The following RIMBP2 variants were observed in gnomAD, a reference collection of about 807,000 sequenced individuals.
The protein encoded by RIMBP2 is RIMS binding protein 2.
In RIMBP2, 48 loss-of-function variants were observed where a neutral mutation model predicts 118.6. That is an observed-to-expected ratio of 0.40 (90% CI 0.32 to 0.51). The LOEUF (loss-of-function observed/expected upper bound fraction) is 0.51, where lower values mean the gene tolerates loss of function less well. Ranked by LOEUF, RIMBP2 falls within the 20% of genes least tolerant of loss-of-function variation. RIMBP2 has a pLI of 0.41. For missense variants in RIMBP2, 1,551 were observed against 1,768.3 expected (o/e 0.88, Z 2.20); for synonymous variants, 762 against 742.9 (o/e 1.03, Z -0.42).
At chr12:130,534,122 C>A (rs1303958274) in intron 2 of RIMBP2, among the ~76,000 whole-genome samples, 1 of 147,544 alleles carries the variant, frequency 6.8e-6, no homozygotes, top group Non-Finnish European at 1.5e-5. Flanking sequence ...GCAGAGATCA[C>A]ACCCCTGCAC....
chr12:130,528,276 T>A (rs2053018294), intron 2 of RIMBP2, among the ~76,000 whole-genome samples: 1 of 152,144 alleles, frequency 6.6e-6, no homozygotes, highest in Admixed American at 6.6e-5. Flanking sequence ...TAAAAAGGAA[T>A]GAGATCATGT....
chr12:130,689,094 G>C (rs2065199728), intron 1 of RIMBP2, among the ~76,000 whole-genome samples: 3 of 152,144 alleles, frequency 2.0e-5, no homozygotes, highest in Non-Finnish European at 4.4e-5. Context: ...AAATCCTCGA[G>C]ACCAATTTTC....
In RIMBP2 at chr12:130,703,914, G is replaced by A. The variant is rs1463234743; in HGVS notation, c.-352+12308C>T. On this transcript the variant is annotated intron_variant, in intron 1 of 22. Coordinates refer to ENST00000690449, the MANE Select transcript of RIMBP2 (RefSeq NM_001393629.1). This position sits in a 1 kb window ranked among gnomAD's most constrained non-coding sequence, Gnocchi z 5.7. ...GTCTGGGGCCCGACCACCCTGGGAGGCAGTGCCCCAGCTGTGCTCACCGGT... is the reference window on the plus strand; with the variant it reads ...GTCTGGGGCCCGACCACCCTGGGAGACAGTGCCCCAGCTGTGCTCACCGGT... Among the ~76,000 whole-genome samples the A allele has an allele frequency of 3.5e-4, 54 of 152,132 alleles. No homozygotes were observed. The highest frequency in any genetic ancestry group is 3.5e-3 in the Admixed American group (54 of 15,276).
At position 130,486,136 on chromosome 12, in the gene RIMBP2, C is replaced by T. The variant is rs2082450641; in HGVS notation, c.-3-7120G>A. On this transcript the variant is annotated intron_variant, in intron 4 of 22. Transcript: ENST00000690449. ...CGCTCTTCCAGCCCTTCCAGTCAGC[C>T]TCCCTCCTGTCACTCGGCTGAGATT... is the stretch of plus-strand genomic sequence containing the variant. 5.3e-5 allele frequency among the ~76,000 whole-genome samples: 8 copies of T among 152,290 alleles called. No homozygotes were observed. The South Asian group carries it at 1.7e-3, about 32-fold the overall frequency.
Position 130,399,728 on chromosome 12 carries a change from G to T in RIMBP2, c.3851C>A (p.Ala1284Asp). 6.2e-7 allele frequency: 1 copy of T among 1,614,190 alleles called. No homozygotes were observed. Among genetic ancestry groups the T allele is most frequent in the Non-Finnish European group, 8.5e-7 (1 of 1,180,020 alleles). Residue 1284 changes from alanine (A) to aspartate (D), a missense_variant, in exon 22 of 23, where the codon GCT (alanine) becomes GAT (aspartate). By Grantham distance (126) the Ala-to-Asp change is moderately radical (BLOSUM62 -2). Coordinates refer to ENST00000690449, the MANE Select transcript of RIMBP2 (RefSeq NM_001393629.1). ...PDDVEVYLSDAPSHYSQDTPM... is the reference protein window; with the variant it reads ...PDDVEVYLSDDPSHYSQDTPM... ...CGTATCTTGAGAGTAGTGGGATGGA[G>T]CATCAGAAAGATAGACTTCTACGTC...
At chr12:130,515,011 G>A (rs1226070363) in intron 3 of RIMBP2, among the ~76,000 whole-genome samples, 2 of 152,064 alleles carry the variant, frequency 1.3e-5, no homozygotes, top group Non-Finnish European at 2.9e-5. Context: ...AGAGTAGCTG[G>A]GACTACAGGC....
At chr12:130,452,032 G>T (rs2079047615) in intron 7 of RIMBP2, among the ~76,000 whole-genome samples, 1 of 152,178 alleles carries the variant, frequency 6.6e-6, no homozygotes, top group African/African-American at 2.4e-5. Context: ...TGTCCTGGTT[G>T]CCTGGAAGGG....
chr12:130,571,541 T>G (rs1465103945), intron 2 of RIMBP2, among the ~76,000 whole-genome samples: 1 of 149,774 alleles, frequency 6.7e-6, no homozygotes. Flanking sequence ...TGCCTTAGCC[T>G]CCCGGGTAGC....
Position 130,577,988 on chromosome 12 carries a change from T to A in RIMBP2, c.-217+50334A>T, listed in dbSNP as rs1194358368. 2.0e-5 allele frequency among the ~76,000 whole-genome samples: 3 copies of A among 152,286 alleles called. No individual in the cohort carries two copies. The East Asian group carries it at 5.8e-4, about 29-fold the overall frequency. On this transcript the variant is annotated intron_variant, in intron 2 of 22. Coordinates refer to ENST00000690449, the MANE Select transcript of RIMBP2 (RefSeq NM_001393629.1). ...ACATCATCAAACACCCTGCCATACATCTTATATAGCTACGGTTTTTACTTG... is the reference window on the plus strand; with the variant it reads ...ACATCATCAAACACCCTGCCATACAACTTATATAGCTACGGTTTTTACTTG...
At chr12:130,429,535 A>G (rs1000779576) in intron 14 of RIMBP2, 3 of 152,232 alleles carry the variant, frequency 2.0e-5, no homozygotes, top group Non-Finnish European at 4.4e-5. Context: ...TGAATGTAAT[A>G]CATCCATAAA....
chr12:130,709,569 C>T (rs1949747394), intron 1 of RIMBP2, among the ~76,000 whole-genome samples: 1 of 152,238 alleles, frequency 6.6e-6, no homozygotes, highest in Admixed American at 6.5e-5. Flanking sequence ...TTGGGGCTCC[C>T]CTCTCAGGGA....
rs536734015 is a variant in RIMBP2 at position 130,412,770 on chromosome 12, G to A, written c.3438C>T (p.Asp1146=). The change falls in exon 19 of 23, where the codon GAC becomes GAT. Residue 1146 remains aspartate (D), a synonymous_variant. Transcript: ENST00000690449. The stretch of plus-strand genomic sequence containing the variant: ...TTTCCCCACGGTAGAATCCATCAGC[G>A]TCTTTATCACCATAAACCTAGAGCC... ...GQIIKVYGDK[D]ADGFYRGETC... 8.4e-5 allele frequency: 135 copies of A among 1,613,368 alleles called. 1 individual carries two copies. The Admixed American group carries it at 9.7e-4, about 12-fold the overall frequency.
At chr12:130,615,871 A>G (rs2060899044) in intron 2 of RIMBP2, among the ~76,000 whole-genome samples, 1 of 152,134 alleles carries the variant, frequency 6.6e-6, no homozygotes, top group South Asian at 2.1e-4. Flanking sequence ...AACGTCTGCC[A>G]TCACTCTTGG....
rs1291126681 is a variant in RIMBP2 at position 130,576,658 on chromosome 12, G to T, written c.-217+51664C>A. ...GAGAGATGAGGATGAAGCACGAGCTGGCAGGACAGGGAGGACGGCAGGGAG... is the reference window on the plus strand; with the variant it reads ...GAGAGATGAGGATGAAGCACGAGCTTGCAGGACAGGGAGGACGGCAGGGAG... On this transcript the variant is annotated intron_variant, in intron 2 of 22. Coordinates refer to ENST00000690449, the MANE Select transcript of RIMBP2 (RefSeq NM_001393629.1). The surrounding 1 kb of genome is among the most constrained non-coding windows in gnomAD (Gnocchi z 4.2). Among the ~76,000 whole-genome samples, 1 of 152,228 alleles carries T rather than the reference G, an allele frequency of 6.6e-6. No individual in the cohort carries two copies. The highest frequency in any genetic ancestry group is 1.5e-5 in the Non-Finnish European group (1 of 68,032).
intron 3 of RIMBP2, among the ~76,000 whole-genome samples, chr12:130,512,280 G>A (rs1340655794): frequency 6.6e-6 from 1 of 151,974 alleles, no homozygotes; most frequent in African/African-American, 2.4e-5. Flanking sequence ...ATATAGGGGT[G>A]CTGGGATCCC....
intron 2 of RIMBP2, among the ~76,000 whole-genome samples, chr12:130,585,249 G>T (rs4759498): frequency 0.83 from 126,648 of 152,078 alleles, 52,750 homozygotes; most frequent in South Asian, 0.88. Flanking sequence ...TGTCCCCCAC[G>T]GAGTGAGAAG....
At chr12:130,671,471 G>A (rs1195605142) in intron 1 of RIMBP2, among the ~76,000 whole-genome samples, 1 of 152,106 alleles carries the variant, frequency 6.6e-6, no homozygotes, top group South Asian at 2.1e-4. Flanking sequence ...CCACCACTGG[G>A]ATTTAAGCCG....
chr12:130,407,814 C>A lies in RIMBP2; in HGVS notation c.3605G>T (p.Ser1202Ile), dbSNP rs769650611. 6.2e-7 allele frequency: 1 copy of A among 1,613,954 alleles called. No homozygotes were observed. The highest frequency in any genetic ancestry group is 1.7e-5 in the Admixed American group (1 of 60,022). ...CGTCGATACCGAATGACGCCTGCCA[C>A]TTCTCCTGCTTCTCTCTGTTCAGAT... Reference protein sequence around the residue: ...PVEKIERSRRSGRRHSVSTRR... With the variant: ...PVEKIERSRRIGRRHSVSTRR... The change falls in exon 20 of 23, where the codon AGT becomes ATT. Residue 1202 changes from serine to isoleucine, a missense_variant. Ser to Ile is a moderately radical substitution (Grantham distance 142). This residue lies in a region of RIMBP2 where 1,038 missense variants were observed against 1,125.1 expected (regional missense o/e 0.92). Coordinates refer to ENST00000690449, the MANE Select transcript of RIMBP2 (RefSeq NM_001393629.1).
intron 10 of RIMBP2, 37 bp downstream of exon 10, chr12:130,445,123 C>A (rs1014237926): frequency 4.2e-6 from 6 of 1,436,166 alleles, no homozygotes; most frequent in Non-Finnish European, 5.7e-6. Context: ...TGGACTGGCC[C>A]AGCCTACGTC....
Sources: gnomAD v4.1 joint callset for allele counts (sites outside exome capture counted in the v4.1 genomes callset) on GRCh38, gnomAD v4.1.1 for gene constraint, gnomAD v4.1.1 regional missense constraint, Gnocchi (gnomAD v3.1) non-coding constraint, MANE v1.5 for transcripts, NCBI Gene and HGNC (gene_info 2026-07-23, HGNC 2026-07-21) for gene names.